The following CYP4Z1 variants were observed in gnomAD, a reference collection of about 807,000 sequenced individuals.
CYP4Z1 encodes cytochrome P450 family 4 subfamily Z member 1.
Under a neutral mutation model 54.2 loss-of-function variants are expected in CYP4Z1, and 41 were observed. That is an observed-to-expected ratio of 0.76 (90% CI 0.59 to 0.98). The LOEUF is 0.98. CYP4Z1 is among the 50% of genes least tolerant of loss of function. The probability of loss-of-function intolerance (pLI) is 0.00; values close to 1 mark genes in which losing one functional copy is unlikely to be tolerated. For synonymous variants in CYP4Z1, 163 were observed against 206.2 expected (o/e 0.79, Z 1.79); for missense variants, 513 against 599.0 (o/e 0.86, Z 1.50).
the CYP4Z1 span, among the ~76,000 whole-genome samples, chr1:47,058,173 T>C: frequency 6.6e-6 from 1 of 152,136 alleles, no homozygotes; most frequent in East Asian, 1.9e-4. Context: ...TGAAATAAAT[T>C]AGGTCAAAGC....
In CYP4Z1 at chr1:47,104,642, T is replaced by C. The variant is rs74073793; in HGVS notation, c.1068-1486T>C. 7.3e-3 allele frequency among the ~76,000 whole-genome samples: 1,110 copies of C among 152,162 alleles called. 16 individuals carry two copies. The highest frequency in any genetic ancestry group is 0.024 in the African/African-American group (1,012 of 41,492). ...ACCAGCTGTGGTGGTAGCAGCAGAT[T>C]GAGTGAGCCCAACCTCAGACCCCAG... On this transcript the variant is annotated intron_variant, in intron 8 of 11. Transcript: ENST00000334194.
intron 4 of CYP4Z1, among the ~76,000 whole-genome samples, chr1:47,083,521 T>G (rs1644570274): frequency 6.6e-6 from 1 of 152,186 alleles, no homozygotes; most frequent in South Asian, 2.1e-4. Context: ...GCAGGCCAGG[T>G]GCAGTGGCTC....
Position 47,082,329 on chromosome 1 carries a change from A to G in CYP4Z1, c.365-5A>G. 1 of 1,592,428 alleles carries G rather than the reference A, an allele frequency of 6.3e-7. No individual in the cohort carries two copies. Among genetic ancestry groups the G allele is most frequent in the Non-Finnish European group, 8.5e-7 (1 of 1,170,810 alleles). On this transcript the variant is annotated splice_region_variant and splice_polypyrimidine_tract_variant and intron_variant, in intron 3 of 11. Transcript: ENST00000334194. The stretch of plus-strand genomic sequence containing the variant: ...TAGAAACAGTTGCCCCTCTCATTTC[A>G]TAAGGTCGAGGACTTGTGACCCTGG...
intron 11 of CYP4Z1, 137 bp downstream of exon 11, chr1:47,116,869 A>G: frequency 1.6e-6 from 1 of 620,968 alleles, no homozygotes; most frequent in Non-Finnish European, 2.8e-6. Flanking sequence ...TTCTCTTGTG[A>G]CCAGTGCATT....
the CYP4Z1 span, among the ~76,000 whole-genome samples, chr1:47,056,401 T>A: frequency 6.6e-6 from 1 of 152,154 alleles, no homozygotes; most frequent in African/African-American, 2.4e-5. Flanking sequence ...ATTCTGTTGA[T>A]TTGGGGTGGA....
In CYP4Z1 at chr1:47,084,951, T is replaced by C. The variant is rs750814802; in HGVS notation, c.745T>C (p.Phe249Leu). ...FSSQGQIFSK[F>L]NQELHQFTEK... ...CTCTCAAGGCCAAATCTTTTCTAAA[T>C]TTAACCAAGAACTTCATCAGTTCAC... is the stretch of plus-strand genomic sequence containing the variant. The change falls in exon 6 of 12, where the codon TTT becomes CTT. Residue 249 changes from phenylalanine (F) to leucine (L), a missense_variant. Transcript: ENST00000334194. 15 of 1,476,438 alleles carry C rather than the reference T, an allele frequency of 1.0e-5. No homozygotes were observed. 91.5% of individuals were successfully genotyped at this position (1,476,438 alleles called of 1,614,324 possible). A position where few individuals can be genotyped will look rare whatever the true frequency, so the allele number is the denominator to read the frequency against.
chr1:47,100,755 G>GA (rs1644715274), intron 8 of CYP4Z1, among the ~76,000 whole-genome samples: 1 of 152,124 alleles, frequency 6.6e-6, no homozygotes, highest in Non-Finnish European at 1.5e-5. Flanking sequence ...TTATGTATAT[G>GA]AAAAAACAGT....
chr1:47,087,460 G>T (rs1156842753), intron 6 of CYP4Z1, among the ~76,000 whole-genome samples: 1 of 152,162 alleles, frequency 6.6e-6, no homozygotes, highest in Non-Finnish European at 1.5e-5. Context: ...TGAAGCAATT[G>T]TAAATGGGAG....
At chr1:47,094,138 C>T (rs1329822416) in intron 6 of CYP4Z1, among the ~76,000 whole-genome samples, 1 of 152,124 alleles carries the variant, frequency 6.6e-6, no homozygotes, top group East Asian at 1.9e-4. Context: ...TCAATTTGAG[C>T]ACCAGTCTCT....
At chr1:47,096,805 T>C (rs1372687792) in intron 7 of CYP4Z1, 4 of 152,126 alleles carry the variant, frequency 2.6e-5, no homozygotes, top group African/African-American at 9.7e-5. Context: ...TATTTTTGTA[T>C]TTTTAATAGA....
chr1:47,057,335 A>AAAAAAAAAAAAAAAAATAT, the CYP4Z1 span, among the ~76,000 whole-genome samples: 7 of 28,482 alleles, frequency 2.5e-4, no homozygotes, highest in East Asian at 9.7e-4. Flanking sequence ...AAGAAAAAAA[A>AAAAAAAAAAAAAAAAATAT]ATATATATAT....
rs148162976 is a variant in CYP4Z1 at position 47,105,566 on chromosome 1, G to A, written c.1068-562G>A. 4.8e-3 allele frequency among the ~76,000 whole-genome samples: 736 copies of A among 152,254 alleles called. 7 individuals are homozygous for A. Among genetic ancestry groups the A allele is most frequent in the African/African-American group, 0.017 (688 of 41,532 alleles). ...ACTCCCAGTTGATCCCCGCCAAACA[G>A]GCTGCCTCACTTCCCTCTCCTTCCT... On this transcript the variant is annotated intron_variant, in intron 8 of 11. Coordinates refer to ENST00000334194, the MANE Select transcript of CYP4Z1 (RefSeq NM_178134.3).
chr1:47,090,494 CAA>C (rs1432353903), intron 6 of CYP4Z1, among the ~76,000 whole-genome samples: 1 of 152,154 alleles, frequency 6.6e-6, no homozygotes, highest in Non-Finnish European at 1.5e-5. Context: ...TGGGGATTTA[CAA>C]AGTTACAAAT....
chr1:47,092,497 G>A (rs1413392057), intron 6 of CYP4Z1, among the ~76,000 whole-genome samples: 3 of 151,042 alleles, frequency 2.0e-5, no homozygotes, highest in African/African-American at 7.4e-5. Flanking sequence ...AGACAGTTTA[G>A]AGTAATTGAG....
chr1:47,114,998 T>G (rs1379496846), intron 9 of CYP4Z1, among the ~76,000 whole-genome samples: 1 of 152,176 alleles, frequency 6.6e-6, no homozygotes, highest in Non-Finnish European at 1.5e-5. Flanking sequence ...CATGCACACG[T>G]ATGTTTATTG....
At chr1:47,103,541 T>C (rs763233485) in intron 8 of CYP4Z1, among the ~76,000 whole-genome samples, 2 of 152,012 alleles carry the variant, frequency 1.3e-5, no homozygotes, top group African/African-American at 4.8e-5. Flanking sequence ...TTCTTTTTAG[T>C]GTTTTTCTGC....
intron 7 of CYP4Z1, among the ~76,000 whole-genome samples, chr1:47,095,393 T>G (rs2653928): frequency 0.039 from 5,895 of 152,204 alleles, 170 homozygotes; most frequent in South Asian, 0.071. Context: ...TTGGTGACTG[T>G]CTCATGAGGT....
At position 47,068,766 on chromosome 1, in the gene CYP4Z1, A is replaced by G; in HGVS notation, c.319+3A>G. The G allele has an allele frequency of 1.2e-6, 2 of 1,613,806 alleles. No homozygotes were observed. The highest frequency in any genetic ancestry group is 1.7e-6 in the Non-Finnish European group (2 of 1,179,858). On this transcript the variant is annotated splice_donor_region_variant and intron_variant, in intron 2 of 11. Transcript: ENST00000334194. ...CAAGATTCTCCTGAAAAGACAAGGT[A>G]AAAACCAAGAGGGGCTCACAGTACA...
rs908740795 is a variant in CYP4Z1, at chr1:47,076,794, G to A, written c.320-3829G>A. Among the ~76,000 whole-genome samples the A allele has an allele frequency of 6.1e-4, 86 of 139,970 alleles. 2 individuals carry two copies. The South Asian group carries it at 0.011, about 18-fold the overall frequency. 91.8% of individuals were successfully genotyped at this position (139,970 alleles called of 152,430 possible). On this transcript the variant is annotated intron_variant, in intron 2 of 11. Transcript: ENST00000334194. ...CAGGAGGCGGACCTTGCAGTGAGCC[G>A]AGATCGCGCCCCTGCACTCCAGCCT... is the stretch of plus-strand genomic sequence containing the variant.
Sources: gnomAD v4.1 joint callset for allele counts (sites outside exome capture counted in the v4.1 genomes callset) on GRCh38, gnomAD v4.1.1 for gene constraint, MANE v1.5 for transcripts, NCBI Gene and HGNC (gene_info 2026-07-23, HGNC 2026-07-21) for gene names.